Variants in PAK6 observed in about 807,000 individuals in gnomAD.
PAK6 encodes the protein serine/threonine-protein kinase PAK 6.
Under a neutral mutation model 60.8 loss-of-function variants are expected in PAK6, and 33 were observed. The ratio of observed to expected loss-of-function variants is 0.54; its 90% CI spans 0.41 to 0.73. PAK6 has a LOEUF of 0.73. Ranked by LOEUF, PAK6 falls within the 30% of genes least tolerant of loss-of-function variation. The pLI is 0.00. For missense variants in PAK6, 845 were observed against 904.1 expected (o/e 0.93, Z 0.84); for synonymous variants, 404 against 378.5 (o/e 1.07, Z -0.78).
chr15:40,240,948 G>A (rs575040507), intron 2 of PAK6, among the ~76,000 whole-genome samples: 39 of 152,302 alleles, frequency 2.6e-4, no homozygotes, highest in African/African-American at 8.4e-4. Context: ...CCAAGCCAGT[G>A]CCACCGGGAC....
intron 9 of PAK6, 86 bp from the exon 10 acceptor site, chr15:40,274,056 C>T: frequency 2.0e-6 from 3 of 1,491,672 alleles, no homozygotes; most frequent in East Asian, 2.3e-5. Context: ...GGCCAGCTGT[C>T]CCCCCTCCAC....
intron 2 of PAK6, 96 bp downstream of exon 2, chr15:40,240,777 T>C (rs1484657703): frequency 2.6e-6 from 1 of 386,486 alleles, no homozygotes; most frequent in African/African-American, 2.1e-5. Flanking sequence ...ACAGGGAGGC[T>C]AACTCCACAG....
chr15:40,249,731 A>G (rs2038608757), intron 2 of PAK6, among the ~76,000 whole-genome samples: 1 of 152,208 alleles, frequency 6.6e-6, no homozygotes, highest in Admixed American at 6.5e-5. Context: ...TAGCCCGAGC[A>G]CTCAGCCCTG....
At chr15:40,252,556 G>T (rs1173806338) in intron 2 of PAK6, 3 of 1,360,918 alleles carry the variant, frequency 2.2e-6, no homozygotes, top group East Asian at 4.6e-5. Flanking sequence ...TCAAAATCGC[G>T]GTCAGGTGAA....
At chr15:40,242,253 G>C (rs182838805) in intron 2 of PAK6, among the ~76,000 whole-genome samples, 2 of 152,216 alleles carry the variant, frequency 1.3e-5, no homozygotes, top group Non-Finnish European at 2.9e-5. Context: ...TGACTGGGCA[G>C]GGAAGAGGCT....
At chr15:40,244,401 T>TTC (rs2038442429) in intron 2 of PAK6, among the ~76,000 whole-genome samples, 2 of 111,204 alleles carry the variant, frequency 1.8e-5, no homozygotes, top group African/African-American at 6.9e-5. Flanking sequence ...TTTTTTCTTT[T>TTC]TATTTTTTTT....
intron 10 of PAK6, 123 bp downstream of exon 10, chr15:40,274,399 G>A: frequency 9.3e-7 from 1 of 1,078,470 alleles, no homozygotes; most frequent in Non-Finnish European, 1.3e-6. Context: ...CCTGGAAAAG[G>A]CTCCTCTTTC....
chr15:40,248,251 G>A (rs930382106), intron 2 of PAK6, among the ~76,000 whole-genome samples: 3 of 152,196 alleles, frequency 2.0e-5, no homozygotes, highest in Non-Finnish European at 2.9e-5. Context: ...AGGTTCAGAG[G>A]TTTGCACCTC....
intron 2 of PAK6, among the ~76,000 whole-genome samples, chr15:40,241,033 G>C (rs1190068027): frequency 3.9e-5 from 6 of 152,104 alleles, no homozygotes; most frequent in African/African-American, 1.4e-4. Flanking sequence ...CAAATATTTA[G>C]GGAGCACTGC....
exon 11 of PAK6, chr15:40,276,069 A>C (rs377614111): frequency 7.4e-6 from 12 of 1,613,652 alleles, no homozygotes; most frequent in Non-Finnish European, 1.0e-5. Context: ...ATCCAGCTCT[A>C]CCGAAAGCAG....
At chr15:40,264,554 T>G in intron 3 of PAK6, 1 of 630,378 alleles carries the variant, frequency 1.6e-6, no homozygotes. Context: ...TTTTCCTTGT[T>G]TATAGTCTGC....
chr15:40,266,449 C>T, exon 5 of PAK6: 3 of 1,612,292 alleles, frequency 1.9e-6, no homozygotes, highest in Non-Finnish European at 2.5e-6. Context: ...ACTGCTGCCA[C>T]AGCCCCTCCA....
At chr15:40,271,728 T>TGGAG (rs59688014) in intron 5 of PAK6, among the ~76,000 whole-genome samples, 7,933 of 151,830 alleles carry the variant, frequency 0.052, 834 homozygotes, top group East Asian at 0.51. Flanking sequence ...GTTCAGGGAG[T>TGGAG]GGAGACACAG....
intron 3 of PAK6, chr15:40,259,918 CAACT>C (rs1273823943): frequency 6.6e-6 from 1 of 151,034 alleles, no homozygotes; most frequent in Non-Finnish European, 1.5e-5. Context: ...GTAAATGGGA[CAACT>C]AATATGTTGA....
At chr15:40,272,552 T>C (rs773188058) in exon 6 of PAK6, 1 of 1,613,640 alleles carries the variant, frequency 6.2e-7, no homozygotes, top group East Asian at 2.2e-5. Flanking sequence ...GCGCTCAGGA[T>C]GGTGGTGGAC....
At chr15:40,270,732 G>A (rs999861974) in intron 5 of PAK6, among the ~76,000 whole-genome samples, 16 of 152,234 alleles carry the variant, frequency 1.1e-4, no homozygotes, top group Non-Finnish European at 2.4e-4. Context: ...TGGGAGGATT[G>A]CTAGCTTCTT....
At chr15:40,263,788 T>C in intron 3 of PAK6, 2 of 405,684 alleles carry the variant, frequency 4.9e-6, no homozygotes, top group East Asian at 1.5e-4. Flanking sequence ...CTAATTTCTT[T>C]GTATTTTTAG....
chr15:40,242,566 T>C (rs1001425654), intron 2 of PAK6, among the ~76,000 whole-genome samples: 2 of 151,840 alleles, frequency 1.3e-5, no homozygotes, highest in Non-Finnish European at 2.9e-5. Flanking sequence ...TAGAAAGAGG[T>C]GGACTAGCCA....
At chr15:40,241,579 C>T (rs1351740676) in intron 2 of PAK6, among the ~76,000 whole-genome samples, 15 of 152,128 alleles carry the variant, frequency 9.9e-5, no homozygotes, top group Admixed American at 5.2e-4. Context: ...AGTGACAGAG[C>T]GCCTGGTCAG....
Sources: allele counts gnomAD v4.1 joint callset (sites outside exome capture counted in the v4.1 genomes callset), GRCh38; gene constraint gnomAD v4.1.1; transcripts MANE v1.5; gene names NCBI Gene and HGNC (gene_info 2026-07-23, HGNC 2026-07-21).